TRPM3: variants seen among roughly 807,000 people sequenced by gnomAD.
TRPM3 encodes long transient receptor potential channel 3.
A neutral mutation model predicts 181.2 loss-of-function variants in TRPM3; 77 were observed. That is an observed-to-expected ratio of 0.42 (90% CI 0.35 to 0.51). The LOEUF (loss-of-function observed/expected upper bound fraction) is 0.51. Ranked by LOEUF, TRPM3 falls within the 20% of genes least tolerant of loss-of-function variation. TRPM3 has a pLI of 0.01. For missense variants in TRPM3, 1,759 were observed against 2,196.7 expected, an observed-to-expected ratio of 0.80 and a Z score of 3.98; for synonymous variants, 745 against 796.4, an observed-to-expected ratio of 0.94 and a Z score of 1.09.
At chr9:70,786,975 CA>C in intron 6 of TRPM3, among the ~76,000 whole-genome samples, 1 of 152,228 alleles carries the variant, frequency 6.6e-6, no homozygotes, top group South Asian at 2.1e-4. Context: ...GACCTTCTAC[CA>C]TGTTCCAGTG....
At chr9:71,177,932 C>CA (rs10717759) in intron 1 of TRPM3, among the ~76,000 whole-genome samples, 31,917 of 123,308 alleles carry the variant, frequency 0.26, 4,055 homozygotes, top group African/African-American at 0.39. Context: ...TGCTCAAAGC[C>CA]AAAAAAAAAA....
intron 1 of TRPM3, among the ~76,000 whole-genome samples, chr9:71,055,263 A>G (rs1244331881): frequency 6.6e-6 from 1 of 152,076 alleles, no homozygotes; most frequent in African/African-American, 2.4e-5. Flanking sequence ...TGGTTATAAA[A>G]ATAATAATGT....
intron 1 of TRPM3, among the ~76,000 whole-genome samples, chr9:71,159,129 G>GAA (rs954982595): frequency 2.8e-5 from 4 of 142,642 alleles, no homozygotes; most frequent in South Asian, 4.5e-4. Flanking sequence ...GAGAGAGAGA[G>GAA]AGAGAGAAAG....
chr9:70,753,247 C>A (rs1016747892), intron 8 of TRPM3, among the ~76,000 whole-genome samples: 2 of 151,796 alleles, frequency 1.3e-5, no homozygotes, highest in South Asian at 2.1e-4. Context: ...CAAAGTACAT[C>A]AAAAAAAGTG....
intron 1 of TRPM3, among the ~76,000 whole-genome samples, chr9:71,158,698 G>A (rs1327255665): frequency 6.6e-6 from 1 of 152,112 alleles, no homozygotes; most frequent in Non-Finnish European, 1.5e-5. Context: ...ACTAAGCCAT[G>A]GGGTGCCCAG....
At chr9:71,302,245 A>T (rs1180641749) in intron 1 of TRPM3, among the ~76,000 whole-genome samples, 1 of 152,170 alleles carries the variant, frequency 6.6e-6, no homozygotes, top group Non-Finnish European at 1.5e-5. Context: ...ACTCTTCAAC[A>T]TGTCTGAAAT....
chr9:71,019,506 C>T (rs1328944310), intron 1 of TRPM3, among the ~76,000 whole-genome samples: 1 of 151,546 alleles, frequency 6.6e-6, no homozygotes. Flanking sequence ...TCTTTAAATG[C>T]CTAATAAAAA....
At chr9:71,053,246 G>A (rs543757046) in intron 1 of TRPM3, among the ~76,000 whole-genome samples, 1 of 152,160 alleles carries the variant, frequency 6.6e-6, no homozygotes, top group East Asian at 1.9e-4. Flanking sequence ...CCTGACTGGT[G>A]TAGACGATGA....
At chr9:70,939,315 G>C (rs902145945) in intron 1 of TRPM3, among the ~76,000 whole-genome samples, 1 of 152,212 alleles carries the variant, frequency 6.6e-6, no homozygotes, top group Non-Finnish European at 1.5e-5. Context: ...TACCCAGTGT[G>C]GGTGCTAATT....
At chr9:70,540,990 G>A (rs2043182087) in intron 25 of TRPM3, among the ~76,000 whole-genome samples, 1 of 152,174 alleles carries the variant, frequency 6.6e-6, no homozygotes, top group Non-Finnish European at 1.5e-5. Flanking sequence ...CTCCCAAAGT[G>A]CTGGGATTTT....
rs189574885 is a variant in TRPM3, at chr9:70,584,654, C to T, written c.3223+6377G>A. Among the ~76,000 whole-genome samples, 11 of 152,346 alleles carry T rather than the reference C, an allele frequency of 7.2e-5. No individual in the cohort carries two copies. The East Asian group carries it at 1.2e-3, about 16-fold the overall frequency. ...GCCTGACCACAACATCGTATAATCA[C>T]GGCCTTCAGGACCTTTAGTCAATGT... On this transcript the variant is annotated intron_variant, in intron 22 of 25. Coordinates refer to ENST00000677713, the MANE Select transcript of TRPM3 (RefSeq NM_001366145.2).
Position 71,322,961 on chromosome 9 carries a change from A to C in TRPM3, c.183+123692T>G, listed in dbSNP as rs181269728. Among the ~76,000 whole-genome samples the C allele has an allele frequency of 8.0e-3, 1,216 of 152,274 alleles. 8 individuals are homozygous for C. Among genetic ancestry groups the C allele is most frequent in the Non-Finnish European group, 0.012 (811 of 67,988 alleles). On this transcript the variant is annotated intron_variant, in intron 1 of 24. Coordinates refer to the TRPM3 transcript ENST00000357533. ...TGTATTTGCTGTCAAAAGATCAGCCACTTTCATTTACCTTTTTGCAATATT... is the reference window on the plus strand; with the variant it reads ...TGTATTTGCTGTCAAAAGATCAGCCCCTTTCATTTACCTTTTTGCAATATT...
At chr9:70,668,461 G>C (rs1331044366) in intron 9 of TRPM3, among the ~76,000 whole-genome samples, 1 of 151,876 alleles carries the variant, frequency 6.6e-6, no homozygotes, top group Non-Finnish European at 1.5e-5. Flanking sequence ...TCAGGAGATC[G>C]AGACCATCCT....
At chr9:71,294,178 A>G (rs148806599) in intron 1 of TRPM3, among the ~76,000 whole-genome samples, 26 of 152,188 alleles carry the variant, frequency 1.7e-4, no homozygotes, top group African/African-American at 4.8e-4. Context: ...CTGTTTATCA[A>G]GAGGAACCAT....
chr9:70,589,223 C>G lies in TRPM3; in HGVS notation c.3223+1808G>C, dbSNP rs560612047. On this transcript the variant is annotated intron_variant, in intron 22 of 25. Transcript: ENST00000677713. ...TTTCAAGTTCTAAACTACAATCAGCCCTTCTTTTAAAATAACAATAATAAA... is the reference window on the plus strand; with the variant it reads ...TTTCAAGTTCTAAACTACAATCAGCGCTTCTTTTAAAATAACAATAATAAA... 2.6e-5 allele frequency among the ~76,000 whole-genome samples: 4 copies of G among 152,280 alleles called. No homozygotes were observed. In the South Asian group the frequency reaches 6.2e-4, roughly 24 times the overall value.
At chr9:71,382,258 A>C (rs1287677180) in intron 1 of TRPM3, among the ~76,000 whole-genome samples, 1 of 152,166 alleles carries the variant, frequency 6.6e-6, no homozygotes, top group Non-Finnish European at 1.5e-5. Flanking sequence ...TGAAAAACTC[A>C]ACTGCTTAAA....
intron 1 of TRPM3, among the ~76,000 whole-genome samples, chr9:71,356,117 G>A (rs1248249136): frequency 6.6e-6 from 1 of 152,128 alleles, no homozygotes; most frequent in Non-Finnish European, 1.5e-5. Context: ...ATCAAGCCAA[G>A]CAGGTGATTC....
intron 3 of TRPM3, among the ~76,000 whole-genome samples, chr9:70,851,238 C>T (rs562565278): frequency 6.6e-6 from 1 of 152,242 alleles, no homozygotes; most frequent in East Asian, 1.9e-4. Context: ...TATTGTGCAC[C>T]AGGCACATAC....
intron 1 of TRPM3, among the ~76,000 whole-genome samples, chr9:71,333,750 T>C (rs1469442376): frequency 2.0e-5 from 3 of 151,878 alleles, no homozygotes; most frequent in Non-Finnish European, 4.4e-5. Flanking sequence ...GGATTCCTTA[T>C]GCACAGAAAT....
Sources: allele counts gnomAD v4.1 joint callset (sites outside exome capture counted in the v4.1 genomes callset), GRCh38; gene constraint gnomAD v4.1.1; transcripts MANE v1.5; gene names NCBI Gene and HGNC (gene_info 2026-07-23, HGNC 2026-07-21).